NR2F1-AS1: variants seen among roughly 807,000 people sequenced by gnomAD.
NR2F1-AS1 encodes NR2F1 antisense RNA 1.
intron 4 of NR2F1-AS1, among the ~76,000 whole-genome samples, chr5:93,417,168 A>G (rs993801730): frequency 2.0e-5 from 3 of 152,192 alleles, no homozygotes; most frequent in African/African-American, 7.2e-5. Flanking sequence ...ATCCCCCTGC[A>G]ATTTTATTTA....
intron 4 of NR2F1-AS1, among the ~76,000 whole-genome samples, chr5:93,425,224 A>G (rs1749170927): frequency 6.6e-6 from 1 of 152,162 alleles, no homozygotes; most frequent in Non-Finnish European, 1.5e-5. Flanking sequence ...TTTGTGATCA[A>G]ATGGTGGATC....
intron 4 of NR2F1-AS1, among the ~76,000 whole-genome samples, chr5:93,412,650 G>A (rs542868908): frequency 7.2e-5 from 11 of 152,244 alleles, no homozygotes; most frequent in Admixed American, 4.6e-4. Context: ...ACTGGATTTC[G>A]GTTGCCTTAT....
At chr5:93,583,522 TAAAG>T (rs1014024429), upstream of NR2F1-AS1, 2 of 151,428 alleles carry the variant, frequency 1.3e-5, no homozygotes, top group African/African-American at 2.4e-5. Flanking sequence ...GGGCTAAACT[TAAAG>T]AAAAAAAAAA....
At chr5:93,561,660 C>G (rs1364485733) in intron 2 of NR2F1-AS1, among the ~76,000 whole-genome samples, 1 of 151,998 alleles carries the variant, frequency 6.6e-6, no homozygotes, top group African/African-American at 2.4e-5. Flanking sequence ...GTGGTCCCAG[C>G]TCCATATGAG....
chr5:93,521,742 G>C (rs939769016), intron 4 of NR2F1-AS1, among the ~76,000 whole-genome samples: 1 of 152,118 alleles, frequency 6.6e-6, no homozygotes, highest in Non-Finnish European at 1.5e-5. Flanking sequence ...TGGAGAAAAG[G>C]GAACACTTAT....
intron 4 of NR2F1-AS1, among the ~76,000 whole-genome samples, chr5:93,447,174 A>T (rs1749731221): frequency 6.6e-6 from 1 of 152,206 alleles, no homozygotes; most frequent in Admixed American, 6.5e-5. Flanking sequence ...CACCAAAAGC[A>T]ATGGCAACAA....
intron 4 of NR2F1-AS1, among the ~76,000 whole-genome samples, chr5:93,544,514 T>C (rs1205947798): frequency 1.3e-5 from 2 of 152,214 alleles, no homozygotes; most frequent in Admixed American, 1.3e-4. Flanking sequence ...CCAGGCAGCA[T>C]ACTCTGAAGA....
intron 2 of NR2F1-AS1, among the ~76,000 whole-genome samples, chr5:93,562,783 G>A (rs1265832602): frequency 6.6e-6 from 1 of 152,176 alleles, no homozygotes; most frequent in Admixed American, 6.5e-5. Flanking sequence ...GGGGCAGGGA[G>A]TATGCCTTTA....
At chr5:93,446,871 C>A (rs1481129651) in intron 4 of NR2F1-AS1, among the ~76,000 whole-genome samples, 1 of 152,098 alleles carries the variant, frequency 6.6e-6, no homozygotes, top group African/African-American at 2.4e-5. Flanking sequence ...ACCAATGGTA[C>A]AGAACAGGGC....
At chr5:93,518,224 T>C (rs1711896555) in intron 4 of NR2F1-AS1, among the ~76,000 whole-genome samples, 2 of 152,136 alleles carry the variant, frequency 1.3e-5, no homozygotes, top group Admixed American at 6.6e-5. Flanking sequence ...TAAATGTTAG[T>C]AATGTGATAC....
intron 4 of NR2F1-AS1, among the ~76,000 whole-genome samples, chr5:93,492,318 C>A (rs949339727): frequency 1.3e-5 from 2 of 152,084 alleles, no homozygotes; most frequent in Non-Finnish European, 2.9e-5. Flanking sequence ...AACCTCCCAA[C>A]AAAGAAAAGT....
intron 4 of NR2F1-AS1, among the ~76,000 whole-genome samples, chr5:93,553,254 C>T (rs1215766419): frequency 2.0e-5 from 3 of 151,776 alleles, no homozygotes; most frequent in Non-Finnish European, 4.4e-5. Context: ...CTCAGCTTCC[C>T]AAGTGAAGTG....
intron 2 of NR2F1-AS1, among the ~76,000 whole-genome samples, chr5:93,559,644 C>T (rs1197974489): frequency 6.6e-6 from 1 of 152,072 alleles, no homozygotes; most frequent in Admixed American, 6.6e-5. Context: ...CACTTGAAGC[C>T]CATTTTAGCG....
At chr5:93,570,840 T>C (rs1047390623) in intron 1 of NR2F1-AS1, 7 of 152,164 alleles carry the variant, frequency 4.6e-5, no homozygotes, top group Middle Eastern at 3.2e-3. Flanking sequence ...CGGCCGGATA[T>C]GGGCCTAGCT....
chr5:93,532,544 A>G (rs2149901213), intron 4 of NR2F1-AS1, among the ~76,000 whole-genome samples: 1 of 152,346 alleles, frequency 6.6e-6, no homozygotes, highest in East Asian at 1.9e-4. Context: ...ACAAAAGAAC[A>G]GGCCCAAAAT....
intron 4 of NR2F1-AS1, among the ~76,000 whole-genome samples, chr5:93,458,471 A>G (rs1374116960): frequency 6.6e-6 from 1 of 152,164 alleles, no homozygotes; most frequent in African/African-American, 2.4e-5. Flanking sequence ...AGAACTAGAC[A>G]TCCACCTTTT....
At chr5:93,438,689 A>C (rs1749495569) in intron 4 of NR2F1-AS1, 1 of 152,228 alleles carries the variant, frequency 6.6e-6, no homozygotes, top group Non-Finnish European at 1.5e-5. Context: ...AAGTATTTCA[A>C]AGCCAGGACT....
At chr5:93,528,896 C>T (rs903482029) in intron 4 of NR2F1-AS1, among the ~76,000 whole-genome samples, 1 of 118,854 alleles carries the variant, frequency 8.4e-6, no homozygotes, top group Non-Finnish European at 1.7e-5. Flanking sequence ...CAGGGTTTCT[C>T]GGGGGTGGGG....
chr5:93,510,293 A>C (rs369552917), intron 4 of NR2F1-AS1, among the ~76,000 whole-genome samples: 1 of 152,250 alleles, frequency 6.6e-6, no homozygotes, highest in East Asian at 1.9e-4. Context: ...AATTCTTTTA[A>C]GTTTAGAACT....
Sources: gnomAD v4.1 joint callset for allele counts (sites outside exome capture counted in the v4.1 genomes callset) on GRCh38, gnomAD v4.1.1 for gene constraint, MANE v1.5 for transcripts, NCBI Gene and HGNC (gene_info 2026-07-23, HGNC 2026-07-21) for gene names.